CCDC42: variants seen among roughly 807,000 people sequenced by gnomAD.
The protein encoded by CCDC42 is coiled-coil domain containing 42.
CCDC42 carries 38 observed loss-of-function variants against 40.8 expected under a neutral mutation model. The observed-to-expected ratio is 0.93, with a 90% confidence interval of 0.72 to 1.22. CCDC42 has a LOEUF of 1.22. Ranked by LOEUF, CCDC42 falls within the 50% of genes most tolerant of loss-of-function variation. The pLI is 0.00. For missense variants in CCDC42, 379 were observed against 416.5 expected, an observed-to-expected ratio of 0.91 and a Z score of 0.78; for synonymous variants, 135 against 157.5, an observed-to-expected ratio of 0.86 and a Z score of 1.07.
chr17:8,730,084 C>G lies in CCDC42; in HGVS notation c.*46G>C. 4.4e-6 allele frequency: 7 copies of G among 1,585,432 alleles called. No homozygotes were observed. Among genetic ancestry groups the G allele is most frequent in the Non-Finnish European group, 6.1e-6 (7 of 1,154,990 alleles). ...CTGGACCGCAGGCTCACGACTTCTTCTTTCACGATCTCTGTCTCAGGACAT... is the reference window on the plus strand; with the variant it reads ...CTGGACCGCAGGCTCACGACTTCTTGTTTCACGATCTCTGTCTCAGGACAT... On this transcript the variant is annotated 3_prime_UTR_variant, in exon 7 of 7. Coordinates refer to ENST00000293845, the MANE Select transcript of CCDC42 (RefSeq NM_144681.3).
In CCDC42 at chr17:8,735,254, C is replaced by G. The variant is rs1399767743; in HGVS notation, c.715G>C (p.Glu239Gln). The change falls in exon 6 of 7, where the codon GAA (glutamate) becomes CAA (glutamine). Residue 239 changes from glutamate to glutamine, a missense_variant and splice_region_variant. Glu to Gln is a conservative substitution (Grantham distance 29). Coordinates refer to ENST00000293845, the MANE Select transcript of CCDC42 (RefSeq NM_144681.3). The surrounding 1 kb of genome is among the most constrained non-coding windows in gnomAD (Gnocchi z 4.7). ...TTCTGGATGTGCGCCCAGCGAGATT[C>G]CTGGAGAGTGGATAAGGACGGGGCA... ...DRARSNVIFW[E>Q]SRWAHIQNTA... The G allele has an allele frequency of 6.2e-7, 1 of 1,614,110 alleles. No homozygotes were observed. Among genetic ancestry groups the G allele is most frequent in the Non-Finnish European group, 8.5e-7 (1 of 1,180,006 alleles).
chr17:8,744,211 CTGTG>C (rs2086663792), intron 1 of CCDC42, 27 bp from the exon 2 acceptor site: 1 of 1,558,978 alleles, frequency 6.4e-7, no homozygotes, highest in Non-Finnish European at 8.8e-7. Context: ...CGCGAGAGGG[CTGTG>C]TGTTCTGACA....
chr17:8,741,241 G>A (rs908242275), intron 4 of CCDC42, among the ~76,000 whole-genome samples: 3 of 152,184 alleles, frequency 2.0e-5, no homozygotes, highest in African/African-American at 7.2e-5. Flanking sequence ...CCCACCCCTT[G>A]AGAAACTCAT....
intron 4 of CCDC42, among the ~76,000 whole-genome samples, chr17:8,740,489 CAAAA>C (rs750740758): frequency 3.4e-5 from 2 of 58,782 alleles, no homozygotes; most frequent in African/African-American, 6.8e-5. Context: ...AACTCCGTCT[CAAAA>C]AAAAAAAAAA....
chr17:8,744,019 A>G (rs7218546), intron 2 of CCDC42, 60 bp downstream of exon 2: 834,863 of 1,068,504 alleles, frequency 0.78, 329,142 homozygotes, highest in African/African-American at 0.88. Context: ...AGGCTCTCCC[A>G]GAGCCCCAGC....
In CCDC42 at chr17:8,730,053, G is replaced by T; in HGVS notation, c.*77C>A. The T allele has an allele frequency of 7.4e-7, 1 of 1,357,200 alleles. No homozygotes were observed. The highest frequency in any genetic ancestry group is 1.0e-6 in the Non-Finnish European group (1 of 953,574). 84.1% of individuals were successfully genotyped at this position (1,357,200 alleles called of 1,614,324 possible). On this transcript the variant is annotated 3_prime_UTR_variant, in exon 7 of 7. Coordinates refer to ENST00000293845, the MANE Select transcript of CCDC42 (RefSeq NM_144681.3). ...CACAGCAGGCATCGGTCCCGAGCTGGACTGACTGGACCGCAGGCTCACGAC... is the reference window on the plus strand; with the variant it reads ...CACAGCAGGCATCGGTCCCGAGCTGTACTGACTGGACCGCAGGCTCACGAC...
intron 4 of CCDC42, among the ~76,000 whole-genome samples, chr17:8,740,651 G>T (rs934879332): frequency 6.6e-6 from 1 of 152,090 alleles, no homozygotes; most frequent in African/African-American, 2.4e-5. Flanking sequence ...GGCAGAGGGG[G>T]GTTTCCGGGA....
chr17:8,743,881 G>C, intron 2 of CCDC42, 151 bp from the exon 3 acceptor site: 1 of 668,792 alleles, frequency 1.5e-6, no homozygotes, highest in Non-Finnish European at 2.6e-6. Flanking sequence ...GCCTGGCCCA[G>C]AGCAGAGCAT....
Position 8,735,487 on chromosome 17 carries a change from T to C in CCDC42, c.617A>G (p.Tyr206Cys), listed in dbSNP as rs566514810. The C allele has an allele frequency of 1.9e-6, 3 of 1,614,108 alleles. No homozygotes were observed. The East Asian group carries it at 6.7e-5, about 36-fold the overall frequency. The change falls in exon 5 of 7, where the codon TAC becomes TGC. Residue 206 changes from tyrosine to cysteine, a missense_variant. Coordinates refer to ENST00000293845, the MANE Select transcript of CCDC42 (RefSeq NM_144681.3). The surrounding 1 kb of genome is among the most constrained non-coding windows in gnomAD (Gnocchi z 4.7). The part of the protein sequence containing the change: ...IERAKARLAR[Y>C]MEEKDDEILQ... ...GATCTCATCATCCTTTTCCTCCATGTAGCGCGCCAGCCGGGCCTTGGCGCG... is the reference window on the plus strand; with the variant it reads ...GATCTCATCATCCTTTTCCTCCATGCAGCGCGCCAGCCGGGCCTTGGCGCG...
chr17:8,741,425 T>G (rs1389341509), intron 4 of CCDC42, 49 bp downstream of exon 4: 1 of 1,558,414 alleles, frequency 6.4e-7, no homozygotes, highest in Non-Finnish European at 8.8e-7. Context: ...GGAAGAGAGG[T>G]GGGGCTGAGG....
Position 8,738,899 on chromosome 17 carries a change from G to A in CCDC42, c.492+2575C>T, listed in dbSNP as rs139756492. On this transcript the variant is annotated intron_variant, in intron 4 of 6. Transcript: ENST00000293845. ...GGATACTCGTGATGTCTGAGGACAG[G>A]TGAAGAAACATAAGATTTGGAAGGA... Among the ~76,000 whole-genome samples the A allele has an allele frequency of 6.7e-3, 1,020 of 152,312 alleles. 8 individuals carry two copies. The highest frequency in any genetic ancestry group is 0.017 in the African/African-American group (701 of 41,566).
rs565250684 is a variant in CCDC42 at position 8,730,182 on chromosome 17, G to A, written c.899C>T (p.Ser300Leu). 1.7e-5 allele frequency: 28 copies of A among 1,613,808 alleles called. No individual in the cohort carries two copies. Among genetic ancestry groups the A allele is most frequent in the East Asian group, 2.2e-5 (1 of 44,868 alleles). Reference sequence around the variant, plus strand: ...CTTTTTCACCTCTGCCCAGATGTCCGACCGGTCTTGGATAAATTGCTGGAT... The same window carrying A: ...CTTTTTCACCTCTGCCCAGATGTCCAACCGGTCTTGGATAAATTGCTGGAT... Reference protein sequence around the residue: ...DMIQQFIQDRSDIWAEVKKKE... With the variant: ...DMIQQFIQDRLDIWAEVKKKE... The change falls in exon 7 of 7, where the codon TCG becomes TTG. Residue 300 changes from serine (S) to leucine (L), a missense_variant. Physicochemically the swap from Ser to Leu is moderately radical, Grantham distance 145. Transcript: ENST00000293845.
intron 4 of CCDC42, among the ~76,000 whole-genome samples, chr17:8,738,786 G>GT (rs2086625910): frequency 6.6e-6 from 1 of 152,026 alleles, no homozygotes; most frequent in African/African-American, 2.4e-5. Flanking sequence ...TTTGAAAGCA[G>GT]AATACTCAAA....
At chr17:8,731,550 C>T (rs1195971936) in intron 6 of CCDC42, among the ~76,000 whole-genome samples, 4 of 152,206 alleles carry the variant, frequency 2.6e-5, no homozygotes, top group Admixed American at 6.5e-5. Flanking sequence ...TACTTATACA[C>T]CACGGAATAC....
At chr17:8,734,545 TTTTG>T (rs991732201) in intron 6 of CCDC42, among the ~76,000 whole-genome samples, 4 of 151,976 alleles carry the variant, frequency 2.6e-5, no homozygotes, top group African/African-American at 7.3e-5. Flanking sequence ...CTGTTTTGTT[TTTTG>T]TTTGTTTGTT....
chr17:8,744,383 G>A (rs962027119), intron 1 of CCDC42, 144 bp downstream of exon 1: 5 of 763,778 alleles, frequency 6.5e-6, no homozygotes, highest in African/African-American at 5.1e-5. Flanking sequence ...GGAGACCAGC[G>A]TGATGAGGTG....
intron 2 of CCDC42, 120 bp from the exon 3 acceptor site, chr17:8,743,850 G>A (rs941989723): frequency 5.7e-6 from 4 of 705,128 alleles, no homozygotes; most frequent in African/African-American, 5.3e-5. Context: ...GTCCATAGGA[G>A]CCTCCCACTT....
At chr17:8,732,170 G>A (rs1461985713) in intron 6 of CCDC42, among the ~76,000 whole-genome samples, 2 of 151,674 alleles carry the variant, frequency 1.3e-5, no homozygotes, top group African/African-American at 4.8e-5. Flanking sequence ...GTAGTGGCGG[G>A]CGCCTGTAGT....
At chr17:8,737,997 T>G (rs2086621581) in intron 4 of CCDC42, among the ~76,000 whole-genome samples, 1 of 134,588 alleles carries the variant, frequency 7.4e-6, no homozygotes, top group South Asian at 2.3e-4. Flanking sequence ...TATTTTTTAA[T>G]TTTTTGCAGA....
Sources: gnomAD v4.1 joint callset for allele counts (sites outside exome capture counted in the v4.1 genomes callset) on GRCh38, gnomAD v4.1.1 for gene constraint, Gnocchi (gnomAD v3.1) non-coding constraint, MANE v1.5 for transcripts, NCBI Gene and HGNC (gene_info 2026-07-23, HGNC 2026-07-21) for gene names.